TSPEAR: variants seen among roughly 807,000 people sequenced by gnomAD.
The protein encoded by TSPEAR is thrombospondin-type laminin G domain and EAR repeat-containing protein.
In TSPEAR, 69 loss-of-function variants were observed where a neutral mutation model predicts 71.6. The ratio of observed to expected loss-of-function variants is 0.96; its 90% CI spans 0.79 to 1.18. The LOEUF is 1.18. Among genes scored for constraint, TSPEAR ranks in the 50% most tolerant of loss-of-function variants. The probability of loss-of-function intolerance (pLI) is 0.00; values close to 1 mark genes in which losing one functional copy is unlikely to be tolerated. For missense variants in TSPEAR, 971 were observed against 894.9 expected, an observed-to-expected ratio of 1.09 and a Z score of -1.09; for synonymous variants, 402 against 387.2, an observed-to-expected ratio of 1.04 and a Z score of -0.45.
chr21:44,510,972 G>A (rs1555912589), intron 9 of TSPEAR: 1 of 152,224 alleles, frequency 6.6e-6, no homozygotes, highest in African/African-American at 2.4e-5. Context: ...ATCTGCTGGA[G>A]AACAGCCGTC....
chr21:44,503,229 G>A (rs1157253661), intron 11 of TSPEAR, among the ~76,000 whole-genome samples: 2 of 142,362 alleles, frequency 1.4e-5, no homozygotes, highest in Non-Finnish European at 3.0e-5. Flanking sequence ...GGAGGAGGCC[G>A]GCCTTGGTGA....
chr21:44,637,512 G>A (rs1555937086), intron 1 of TSPEAR: 4 of 1,613,334 alleles, frequency 2.5e-6, no homozygotes, highest in Non-Finnish European at 8.5e-7. Flanking sequence ...CCCTGCTGCT[G>A]TGCCCCAGCC....
chr21:44,676,379 G>A, intron 1 of TSPEAR: 1 of 1,118,372 alleles, frequency 8.9e-7, no homozygotes, highest in Non-Finnish European at 1.4e-6. Context: ...GGGACAGCAG[G>A]CATTTCTGCA....
rs57900573 is a variant in TSPEAR, at chr21:44,575,486, G to A, written c.83-7481C>T. The A allele has an allele frequency of 8.6e-3, 1,505 of 175,048 alleles. 32 individuals are homozygous for A. The highest frequency in any genetic ancestry group is 0.034 in the African/African-American group (1,428 of 41,992). 10.8% of individuals were successfully genotyped at this position (175,048 alleles called of 1,614,324 possible). On this transcript the variant is annotated intron_variant, in intron 1 of 11. Coordinates refer to ENST00000323084, the MANE Select transcript of TSPEAR (RefSeq NM_144991.3). The stretch of plus-strand genomic sequence containing the variant: ...TGAGTGTTTTCCTGTGCCCAGGGGC[G>A]TGTGGTTCCCAGGGGTCCAGGCTAG...
chr21:44,499,821 C>A lies in TSPEAR; in HGVS notation c.1972G>T (p.Glu658Ter). Residue 658 changes from glutamate to a stop codon, truncating the protein, a stop_gained, in exon 12 of 12, where the codon GAG becomes TAG. Transcript: ENST00000323084. LOFTEE classifies it high-confidence loss of function. ...GAYLIYSSAK[E>*]PLSRVLRLRT... ...AGCCGCAGGACCCTGGAGAGGGGCT[C>A]CTTGGCGCTGGAGTAGATGAGGTAG... 1 of 1,582,750 alleles carries A rather than the reference C, an allele frequency of 6.3e-7. No homozygotes were observed. The highest frequency in any genetic ancestry group is 8.6e-7 in the Non-Finnish European group (1 of 1,165,644).
At chr21:44,512,265 A>C (rs1416727918) in intron 9 of TSPEAR, among the ~76,000 whole-genome samples, 1 of 143,098 alleles carries the variant, frequency 7.0e-6, no homozygotes, top group Non-Finnish European at 1.5e-5. Context: ...CGAGGAGGTC[A>C]GATGTATGTG....
intron 1 of TSPEAR, among the ~76,000 whole-genome samples, chr21:44,682,783 G>A (rs1262704015): frequency 2.0e-5 from 3 of 152,180 alleles, no homozygotes; most frequent in East Asian, 1.9e-4. Flanking sequence ...GTCACCAGCC[G>A]GAGTCAGAGC....
chr21:44,677,994 G>A, intron 1 of TSPEAR: 3 of 1,037,362 alleles, frequency 2.9e-6, no homozygotes, highest in East Asian at 4.8e-5. Flanking sequence ...TAGAGTATCG[G>A]CGGCATGGTC....
rs2052898392 is a variant in TSPEAR, at chr21:44,528,347, T to G, written c.922+105A>C. The G allele has an allele frequency of 2.0e-6, 3 of 1,506,344 alleles. 1 individual carries two copies. Among genetic ancestry groups the G allele is most frequent in the Non-Finnish European group, 2.7e-6 (3 of 1,103,188 alleles). The allele number at this position is 1,506,344 out of a possible 1,614,324, so 93.3% of individuals were successfully genotyped here. On this transcript the variant is annotated intron_variant, in intron 6 of 11. Transcript: ENST00000323084. ...CCCAGCCTGACGGCCAAGCCTGAGG[T>G]CATTCAGAGGTGGCTGAGGTGCCCC...
chr21:44,654,480 C>T (rs1555942163), intron 1 of TSPEAR: 2 of 1,613,950 alleles, frequency 1.2e-6, no homozygotes, highest in Non-Finnish European at 1.7e-6. Flanking sequence ...GGGGCCGGCA[C>T]AGCAGAGCCA....
intron 7 of TSPEAR, 163 bp from the exon 8 acceptor site, chr21:44,526,002 G>C (rs1203112535): frequency 9.3e-6 from 6 of 642,260 alleles, no homozygotes; most frequent in Admixed American, 5.6e-5. Context: ...ATCATGGTGG[G>C]GTGGGCGCAG....
intron 2 of TSPEAR, among the ~76,000 whole-genome samples, 187 bp downstream of exon 2, chr21:44,567,598 A>T (rs587767631): frequency 6.6e-6 from 1 of 152,308 alleles, no homozygotes; most frequent in East Asian, 1.9e-4. Flanking sequence ...AAATGGTCAC[A>T]CAGACTCTCA....
At chr21:44,527,556 G>C in intron 6 of TSPEAR, 38 bp from the exon 7 acceptor site, 1 of 1,603,212 alleles carries the variant, frequency 6.2e-7, no homozygotes. Context: ...TAAGATTTCC[G>C]AGAACGGAAA....
chr21:44,507,069 C>T (rs587675378), intron 10 of TSPEAR: 12 of 152,332 alleles, frequency 7.9e-5, no homozygotes, highest in East Asian at 5.8e-4. Flanking sequence ...ACCACCAACC[C>T]GGAGGACACG....
chr21:44,648,680 G>A (rs760665015), intron 1 of TSPEAR, among the ~76,000 whole-genome samples: 8 of 152,216 alleles, frequency 5.3e-5, no homozygotes, highest in Non-Finnish European at 7.3e-5. Flanking sequence ...TGCAGCCAGC[G>A]GGCAGACGCA....
At chr21:44,702,092 G>A in intron 1 of TSPEAR, 2 of 819,320 alleles carry the variant, frequency 2.4e-6, no homozygotes, top group Non-Finnish European at 3.7e-6. Flanking sequence ...CTATGAGAGG[G>A]AGGCAGGGAA....
At chr21:44,503,239 A>G (rs2052085273) in intron 11 of TSPEAR, among the ~76,000 whole-genome samples, 1 of 120,104 alleles carries the variant, frequency 8.3e-6, no homozygotes, top group African/African-American at 3.4e-5. Flanking sequence ...GGCCTTGGTG[A>G]GCCCACGGGG....
chr21:44,627,997 T>C (rs1555934939), intron 1 of TSPEAR: 10 of 1,610,836 alleles, frequency 6.2e-6, no homozygotes, highest in Middle Eastern at 1.6e-4. Context: ...CCGCCCTGTG[T>C]GCTCCCGCCC....
rs587685239 is a variant in TSPEAR, at chr21:44,575,199, C to T, written c.83-7194G>A. On this transcript the variant is annotated intron_variant, in intron 1 of 11. Coordinates refer to ENST00000323084, the MANE Select transcript of TSPEAR (RefSeq NM_144991.3). Reference sequence around the variant, plus strand: ...CAGCCCTCTTGCGGGGGGAGGGGGGCGCTTCTAGAAAGTTCCCATGGCAGT... The same window carrying T: ...CAGCCCTCTTGCGGGGGGAGGGGGGTGCTTCTAGAAAGTTCCCATGGCAGT... The T allele has an allele frequency of 2.5e-4, 179 of 707,842 alleles. 1 individual carries two copies. Among genetic ancestry groups the T allele is most frequent in the East Asian group, 2.4e-3 (88 of 36,376 alleles). 43.8% of individuals were successfully genotyped at this position (707,842 alleles called of 1,614,324 possible).
Sources: gnomAD v4.1 joint callset for allele counts (sites outside exome capture counted in the v4.1 genomes callset) on GRCh38, gnomAD v4.1.1 for gene constraint, MANE v1.5 for transcripts, NCBI Gene and HGNC (gene_info 2026-07-23, HGNC 2026-07-21) for gene names.